HPCAL1: variants seen among roughly 807,000 people sequenced by gnomAD.
HPCAL1 encodes the protein hippocalcin-like protein 1.
In HPCAL1, 8 loss-of-function variants were observed where a neutral mutation model predicts 17.1. That is an observed-to-expected ratio of 0.47 (90% CI 0.27 to 0.84). The LOEUF is 0.84. Among genes scored for constraint, HPCAL1 ranks in the 40% least tolerant of loss-of-function variants. HPCAL1 has a pLI of 0.13. For synonymous variants in HPCAL1, 112 were observed against 111.4 expected (o/e 1.01, Z -0.03); for missense variants, 165 against 271.1 (o/e 0.61, Z 2.75).
At chr2:10,347,263 G>A (rs990928332) in intron 1 of HPCAL1, among the ~76,000 whole-genome samples, 9 of 151,912 alleles carry the variant, frequency 5.9e-5, no homozygotes, top group Admixed American at 1.3e-4. Context: ...CCCAGCCCCC[G>A]GCCCACCCTT....
At chr2:10,387,511 A>G (rs1032768805) in intron 1 of HPCAL1, among the ~76,000 whole-genome samples, 10 of 152,212 alleles carry the variant, frequency 6.6e-5, no homozygotes, top group Non-Finnish European at 1.2e-4. Flanking sequence ...CTCACCAGGG[A>G]CAGTGTGGCC....
chr2:10,387,413 G>A (rs1395969087), intron 1 of HPCAL1, among the ~76,000 whole-genome samples: 1 of 152,212 alleles, frequency 6.6e-6, no homozygotes, highest in Non-Finnish European at 1.5e-5. Flanking sequence ...AGCGCTTGGT[G>A]TATTCCCCCA....
chr2:10,352,633 C>A (rs999135764), intron 1 of HPCAL1, among the ~76,000 whole-genome samples: 9 of 152,216 alleles, frequency 5.9e-5, no homozygotes, highest in Non-Finnish European at 1.2e-4. Flanking sequence ...GGTTGGGCCA[C>A]GCTTAGCTCT....
intron 2 of HPCAL1, among the ~76,000 whole-genome samples, chr2:10,405,904 A>G (rs1266617490): frequency 6.6e-6 from 1 of 152,226 alleles, no homozygotes. Context: ...GTATGCGCCA[A>G]GTCCCCGCAA....
At chr2:10,409,982 G>A (rs193273954) in intron 2 of HPCAL1, among the ~76,000 whole-genome samples, 1 of 151,912 alleles carries the variant, frequency 6.6e-6, no homozygotes, top group Non-Finnish European at 1.5e-5. Flanking sequence ...AGTAGGGACG[G>A]TTTCACCATG....
In HPCAL1 at chr2:10,331,799, T is replaced by C. The variant is rs1330478254; in HGVS notation, c.-111+28622T>C. Among the ~76,000 whole-genome samples the C allele has an allele frequency of 2.6e-5, 4 of 152,146 alleles. No individual in the cohort carries two copies. The highest frequency in any genetic ancestry group is 9.7e-5 in the African/African-American group (4 of 41,446). On this transcript the variant is annotated intron_variant, in intron 1 of 4. Coordinates refer to ENST00000307845, the MANE Select transcript of HPCAL1 (RefSeq NM_002149.4). The surrounding 1 kb of genome is among the most constrained non-coding windows in gnomAD (Gnocchi z 5.0). ...TGCTTGGTGACATTGGCCAATCCTGTGGTGGCCCCAGCTGGGCTTGCTGCC... is the reference window on the plus strand; with the variant it reads ...TGCTTGGTGACATTGGCCAATCCTGCGGTGGCCCCAGCTGGGCTTGCTGCC...
chr2:10,337,740 C>A lies in HPCAL1; in HGVS notation c.-111+34563C>A, dbSNP rs539804726. Among the ~76,000 whole-genome samples the A allele has an allele frequency of 3.9e-5, 6 of 152,296 alleles. No individual in the cohort carries two copies. In the South Asian group the frequency reaches 1.2e-3, roughly 32 times the overall value. The stretch of plus-strand genomic sequence containing the variant: ...GGAGGCTGTGGCTAAGATCTTCCCC[C>A]AGCCCCTTCCTTCCCACCTTCCCTT... On this transcript the variant is annotated intron_variant, in intron 1 of 4. Transcript: ENST00000307845.
chr2:10,363,352 TGG>T lies in HPCAL1; in HGVS notation c.-110-33479_-110-33478del, dbSNP rs1250079089. On this transcript the variant is annotated intron_variant, in intron 1 of 4. Transcript: ENST00000307845. The surrounding 1 kb of genome is among the most constrained non-coding windows in gnomAD (Gnocchi z 4.7). ...GGTGTGACAGGTGGGCAGGAGCTGC[TGG>T]GGGTGCTGGGCAGACGTTTACCGTC... Among the ~76,000 whole-genome samples the T allele has an allele frequency of 4.6e-5, 7 of 152,266 alleles. 1 individual carries two copies. The highest frequency in any genetic ancestry group is 4.6e-4 in the Admixed American group (7 of 15,296).
intron 1 of HPCAL1, among the ~76,000 whole-genome samples, chr2:10,348,172 G>T (rs1319424419): frequency 6.6e-6 from 1 of 152,112 alleles, no homozygotes; most frequent in Non-Finnish European, 1.5e-5. Context: ...GGGCCAGCCC[G>T]GGCACAGTGG....
chr2:10,384,736 C>G lies in HPCAL1; in HGVS notation c.-110-12099C>G, dbSNP rs1003654526. 1.3e-5 allele frequency among the ~76,000 whole-genome samples: 2 copies of G among 152,030 alleles called. No individual in the cohort carries two copies. The highest frequency in any genetic ancestry group is 2.9e-5 in the Non-Finnish European group (2 of 67,984). ...GCAGAGTAAACAGTGCAGTGGCAGC[C>G]GGGGCTGGCACTTTTAAAGAAAGCC... is the stretch of plus-strand genomic sequence containing the variant. On this transcript the variant is annotated intron_variant, in intron 1 of 4. Transcript: ENST00000307845. This position sits in a 1 kb window ranked among gnomAD's most constrained non-coding sequence, Gnocchi z 4.4.
chr2:10,371,964 G>A (rs1390920391), intron 1 of HPCAL1, among the ~76,000 whole-genome samples: 1 of 152,194 alleles, frequency 6.6e-6, no homozygotes, highest in Non-Finnish European at 1.5e-5. Context: ...CGCCTCAGAT[G>A]TTTCTCTCCT....
chr2:10,421,537 T>C (rs1671063765), intron 3 of HPCAL1, among the ~76,000 whole-genome samples: 1 of 152,114 alleles, frequency 6.6e-6, no homozygotes, highest in Non-Finnish European at 1.5e-5. Flanking sequence ...TCCATCTCTA[T>C]AAAAAATTAA....
chr2:10,329,024 C>T (rs1664188913), intron 1 of HPCAL1, among the ~76,000 whole-genome samples: 1 of 151,834 alleles, frequency 6.6e-6, no homozygotes, highest in Non-Finnish European at 1.5e-5. Context: ...GAGATGGGAT[C>T]TTGCCGTGTT....
rs1403862571 is a variant in HPCAL1 at position 10,315,149 on chromosome 2, C to T, written c.-111+11972C>T. 5.3e-5 allele frequency among the ~76,000 whole-genome samples: 8 copies of T among 152,100 alleles called. No individual in the cohort carries two copies. In the South Asian group the frequency reaches 1.0e-3, roughly 20 times the overall value. On this transcript the variant is annotated intron_variant, in intron 1 of 4. Transcript: ENST00000307845. ...TACTAAAAATACAAAAAAAATTAGCCGGGCGTGGTGGCGGGTGCCTGTAGT... is the reference window on the plus strand; with the variant it reads ...TACTAAAAATACAAAAAAAATTAGCTGGGCGTGGTGGCGGGTGCCTGTAGT...
At chr2:10,396,684 G>A (rs903647824) in intron 1 of HPCAL1, among the ~76,000 whole-genome samples, 151 bp from the exon 2 acceptor site, 7 of 152,186 alleles carry the variant, frequency 4.6e-5, no homozygotes, top group Admixed American at 1.3e-4. Flanking sequence ...GTGGCTGGCC[G>A]GAGGCCGGGA....
chr2:10,387,141 G>C (rs1193663774), intron 1 of HPCAL1, among the ~76,000 whole-genome samples: 1 of 152,234 alleles, frequency 6.6e-6, no homozygotes, highest in Non-Finnish European at 1.5e-5. Flanking sequence ...AACAGGATGT[G>C]GCAGTCAAGG....
chr2:10,389,655 AG>A (rs2125559039), intron 1 of HPCAL1, among the ~76,000 whole-genome samples: 1 of 152,340 alleles, frequency 6.6e-6, no homozygotes, highest in South Asian at 2.1e-4. Flanking sequence ...GTATTAAGTA[AG>A]GCTTCGTGTC....
intron 1 of HPCAL1, among the ~76,000 whole-genome samples, chr2:10,374,859 G>C (rs995112817): frequency 1.3e-5 from 2 of 152,244 alleles, no homozygotes; most frequent in Admixed American, 6.5e-5. Flanking sequence ...TCCTCCACCA[G>C]AGTGGAGAAC....
chr2:10,313,135 G>A (rs192085656), intron 1 of HPCAL1, among the ~76,000 whole-genome samples: 2 of 152,342 alleles, frequency 1.3e-5, no homozygotes. Flanking sequence ...GTCTTCATGA[G>A]AACCACTGAT....
Sources: gnomAD v4.1 joint callset for allele counts (sites outside exome capture counted in the v4.1 genomes callset) on GRCh38, gnomAD v4.1.1 for gene constraint, Gnocchi (gnomAD v3.1) non-coding constraint, MANE v1.5 for transcripts, NCBI Gene and HGNC (gene_info 2026-07-23, HGNC 2026-07-21) for gene names.